TNFAIP3: variants seen among roughly 807,000 people sequenced by gnomAD.
TNFAIP3 encodes TNF alpha induced protein 3.
Under a neutral mutation model 72.4 loss-of-function variants are expected in TNFAIP3, and 9 were observed. That is an observed-to-expected ratio of 0.12 (90% CI 0.07 to 0.22). The LOEUF (loss-of-function observed/expected upper bound fraction) is 0.22. Among genes scored for constraint, TNFAIP3 ranks in the 10% least tolerant of loss-of-function variants. TNFAIP3 has a pLI of 1.00. For synonymous variants in TNFAIP3, 339 were observed against 372.6 expected, an observed-to-expected ratio of 0.91 and a Z score of 1.04; for missense variants, 833 against 1,018.7, an observed-to-expected ratio of 0.82 and a Z score of 2.48.
rs775535780 is a variant in TNFAIP3 at position 137,877,072 on chromosome 6, T to G, written c.806-4T>G. The G allele has an allele frequency of 6.3e-6, 10 of 1,581,696 alleles. No individual in the cohort carries two copies. The African/African-American group carries it at 1.2e-4, about 19-fold the overall frequency. ...TTTTACTTATGTATTATTTTTTTCC[T>G]TAGAAATCCGAGCTGTTCCACTTGT... On this transcript the variant is annotated splice_polypyrimidine_tract_variant and splice_region_variant and intron_variant, in intron 5 of 8. Coordinates refer to ENST00000612899, the MANE Select transcript of TNFAIP3 (RefSeq NM_001270508.2).
At position 137,881,972 on chromosome 6, in the gene TNFAIP3, A is replaced by G. The variant is rs1776479964; in HGVS notation, c.*653A>G. On this transcript the variant is annotated 3_prime_UTR_variant, in exon 9 of 9. Coordinates refer to ENST00000612899, the MANE Select transcript of TNFAIP3 (RefSeq NM_001270508.2). This position sits in a 1 kb window ranked among gnomAD's most constrained non-coding sequence, Gnocchi z 5.0. ...TGAACATGTTCACATTGACAGAAAAACAAGCTGCTCTTTATAATATGCACC... is the reference window on the plus strand; with the variant it reads ...TGAACATGTTCACATTGACAGAAAAGCAAGCTGCTCTTTATAATATGCACC... The G allele has an allele frequency of 4.3e-6, 1 of 231,696 alleles. No individual in the cohort carries two copies. The highest frequency in any genetic ancestry group is 1.8e-4 in the South Asian group (1 of 5,520). 14.4% of individuals were successfully genotyped at this position (231,696 alleles called of 1,614,324 possible). A position where few individuals can be genotyped will look rare whatever the true frequency, so the allele number is the denominator to read the frequency against.
At chr6:137,880,927 CT>C in intron 8 of TNFAIP3, 107 bp from the exon 9 acceptor site, 1 of 1,244,350 alleles carries the variant, frequency 8.0e-7, no homozygotes, top group East Asian at 2.4e-5. Flanking sequence ...GCAGGTAAAG[CT>C]CTTTGTAGAC....
At position 137,879,001 on chromosome 6, in the gene TNFAIP3, G is replaced by T; in HGVS notation, c.1556G>T (p.Gly519Val). Residue 519 changes from glycine (G) to valine (V), a missense_variant, in exon 7 of 9, where the codon GGG becomes GTG. This residue lies in a region of TNFAIP3 where 587 missense variants were observed against 657.8 expected (regional missense o/e 0.89). Coordinates refer to ENST00000612899, the MANE Select transcript of TNFAIP3 (RefSeq NM_001270508.2). The part of the protein sequence containing the change: ...APDHTRHLDP[G>V]KCQACLQDVT... Reference sequence around the variant, plus strand: ...GACCACACAAGGCACTTGGATCCCGGGAAGTGCCAAGCCTGCCTCCAGGAT... The same window carrying T: ...GACCACACAAGGCACTTGGATCCCGTGAAGTGCCAAGCCTGCCTCCAGGAT... 1.9e-6 allele frequency: 3 copies of T among 1,614,206 alleles called. No homozygotes were observed. Among genetic ancestry groups the T allele is most frequent in the Non-Finnish European group, 2.5e-6 (3 of 1,180,036 alleles).
rs1776069192 is a variant in TNFAIP3 at position 137,871,640 on chromosome 6, T to C, written c.295+118T>C. The C allele has an allele frequency of 8.9e-7, 1 of 1,121,268 alleles. No individual in the cohort carries two copies. The allele number at this position is 1,121,268 out of a possible 1,614,324, so 69.5% of individuals were successfully genotyped here. A position where few individuals can be genotyped will look rare whatever the true frequency, so the allele number is the denominator to read the frequency against. ...CTCAAATCAATCTTGAGATTTAGTA[T>C]TGAGACCTTTATATAGAATCTCTAT... On this transcript the variant is annotated intron_variant, in intron 2 of 8. Coordinates refer to ENST00000612899, the MANE Select transcript of TNFAIP3 (RefSeq NM_001270508.2). The surrounding 1 kb of genome is among the most constrained non-coding windows in gnomAD (Gnocchi z 4.2).
Position 137,871,067 on chromosome 6 carries a change from C to A in TNFAIP3, c.-15-146C>A. 1 of 672,344 alleles carries A rather than the reference C, an allele frequency of 1.5e-6. No individual in the cohort carries two copies. Among genetic ancestry groups the A allele is most frequent in the Non-Finnish European group, 2.5e-6 (1 of 407,982 alleles). 41.6% of individuals were successfully genotyped at this position (672,344 alleles called of 1,614,324 possible). ...GTTAATCTCTGGGGCCAGCTAGTAT[C>A]CCGGGAGTAGAGGTGCTAAGATCTT... On this transcript the variant is annotated intron_variant, in intron 1 of 8. Transcript: ENST00000612899. The surrounding 1 kb of genome is among the most constrained non-coding windows in gnomAD (Gnocchi z 4.2).
Position 137,881,414 on chromosome 6 carries a change from C to A in TNFAIP3, c.*95C>A. ...CTGAACCCCTCAGCTGCCACTGCAA[C>A]AGTGGGCTTAAGGGTGTCTGAGCAG... On this transcript the variant is annotated 3_prime_UTR_variant, in exon 9 of 9. Transcript: ENST00000612899. The surrounding 1 kb of genome is among the most constrained non-coding windows in gnomAD (Gnocchi z 5.0). 8.6e-7 allele frequency: 1 copy of A among 1,162,966 alleles called. No homozygotes were observed. The allele number at this position is 1,162,966 out of a possible 1,614,324, so 72.0% of individuals were successfully genotyped here.
rs1776064930 is a variant in TNFAIP3, at chr6:137,871,554, TG to T, written c.295+35del. 1.2e-6 allele frequency: 2 copies of T among 1,603,184 alleles called. No homozygotes were observed. Among genetic ancestry groups the T allele is most frequent in the African/African-American group, 2.7e-5 (2 of 74,530 alleles). On this transcript the variant is annotated intron_variant, in intron 2 of 8. Coordinates refer to ENST00000612899, the MANE Select transcript of TNFAIP3 (RefSeq NM_001270508.2). The surrounding 1 kb of genome is among the most constrained non-coding windows in gnomAD (Gnocchi z 4.2). ...CTTGTTCTGTTGTGTTTCTTTTGCCTGGGTGATAGCTCCCGCCTGCTGGATC... is the reference window on the plus strand; with the variant it reads ...CTTGTTCTGTTGTGTTTCTTTTGCCTGGTGATAGCTCCCGCCTGCTGGATC...
chr6:137,869,337 A>ATG (rs1775960895), intron 1 of TNFAIP3, among the ~76,000 whole-genome samples: 2 of 145,032 alleles, frequency 1.4e-5, no homozygotes, highest in African/African-American at 5.1e-5. Context: ...ATGGATGGAT[A>ATG]GATGGATGGA....
intron 1 of TNFAIP3, among the ~76,000 whole-genome samples, chr6:137,868,426 A>C (rs1024806983): frequency 2.0e-5 from 3 of 152,052 alleles, no homozygotes; most frequent in African/African-American, 7.2e-5. Flanking sequence ...CAGCCAATGA[A>C]TGCTTCATTC....
rs765166589 is a variant in TNFAIP3 at position 137,871,517 on chromosome 6, C to T, written c.290C>T (p.Thr97Met). Residue 97 changes from threonine to methionine, a missense_variant, in exon 2 of 9, where the codon ACG becomes ATG. By Grantham distance (81) the Thr-to-Met change is moderately conservative (BLOSUM62 -1). This residue lies in a region of TNFAIP3 where 246 missense variants were observed against 360.9 expected (regional missense o/e 0.68). Transcript: ENST00000612899. This position sits in a 1 kb window ranked among gnomAD's most constrained non-coding sequence, Gnocchi z 4.2. ...GTCCGGAAGCTTGTGGCGCTGAAAACGAACGGTAAGACTTGTTCTGTTGTG... is the reference window on the plus strand; with the variant it reads ...GTCCGGAAGCTTGTGGCGCTGAAAATGAACGGTAAGACTTGTTCTGTTGTG... ...REVRKLVALK[T>M]NGDGNCLMHA... 2 of 1,613,938 alleles carry T rather than the reference C, an allele frequency of 1.2e-6. No homozygotes were observed. Among genetic ancestry groups the T allele is most frequent in the South Asian group, 1.1e-5 (1 of 91,072 alleles).
In TNFAIP3 at chr6:137,881,215, C is replaced by T. The variant is rs771436999; in HGVS notation, c.2269C>T (p.Pro757Ser). 6.2e-7 allele frequency: 1 copy of T among 1,611,830 alleles called. No individual in the cohort carries two copies. Among genetic ancestry groups the T allele is most frequent in the Non-Finnish European group, 8.5e-7 (1 of 1,179,160 alleles). Residue 757 changes from proline (P) to serine (S), a missense_variant, in exon 9 of 9, where the codon CCC becomes TCC. Pro to Ser is a moderately conservative substitution (Grantham distance 74). This residue lies in a region of TNFAIP3 where 587 missense variants were observed against 657.8 expected (regional missense o/e 0.89). Coordinates refer to ENST00000612899, the MANE Select transcript of TNFAIP3 (RefSeq NM_001270508.2). The surrounding 1 kb of genome is among the most constrained non-coding windows in gnomAD (Gnocchi z 5.0). ...CCGGGGTGAGCCTGCCCCCGAAGAC[C>T]CCCCCAAGCAGCGTTGCCGGGCCCC... ...AHRGEPAPED[P>S]PKQRCRAPAC... is the part of the protein sequence containing the mutation.
At position 137,882,994 on chromosome 6, in the gene TNFAIP3, C is replaced by T; in HGVS notation, c.*1675C>T. The T allele has an allele frequency of 4.5e-6, 1 of 223,112 alleles. No individual in the cohort carries two copies. 13.8% of individuals were successfully genotyped at this position (223,112 alleles called of 1,614,324 possible). A position where few individuals can be genotyped will look rare whatever the true frequency, so the allele number is the denominator to read the frequency against. On this transcript the variant is annotated 3_prime_UTR_variant, in exon 9 of 9. Transcript: ENST00000612899. Reference sequence around the variant, plus strand: ...CACAGCCTTTACTCATACTATTAGGCACACTTTCCCCTTAGAGCCCCCTAA... The same window carrying T: ...CACAGCCTTTACTCATACTATTAGGTACACTTTCCCCTTAGAGCCCCCTAA...
At chr6:137,880,295 A>G in intron 8 of TNFAIP3, 43 bp downstream of exon 8, 1 of 1,608,112 alleles carries the variant, frequency 6.2e-7, no homozygotes, top group South Asian at 1.1e-5. Context: ...CGTGTGTTCG[A>G]TGCTTTTTGC....
At chr6:137,873,446 C>G (rs746129237) in intron 2 of TNFAIP3, among the ~76,000 whole-genome samples, 101 of 152,298 alleles carry the variant, frequency 6.6e-4, no homozygotes, top group Middle Eastern at 3.4e-3. Context: ...CCAGCTCACC[C>G]TGACCACACC....
At chr6:137,866,900 T>TATTTC (rs1329883189), upstream of TNFAIP3, 2 of 152,438 alleles carry the variant, frequency 1.3e-5, no homozygotes, top group East Asian at 3.8e-4. Context: ...AAAAAGAACC[T>TATTTC]ATTTCATTTC....
At chr6:137,875,965 G>T (rs768949689) in intron 4 of TNFAIP3, 31 bp from the exon 5 acceptor site, 7 of 1,605,630 alleles carry the variant, frequency 4.4e-6, no homozygotes, top group Non-Finnish European at 6.0e-6. Flanking sequence ...TCACCTAAGG[G>T]CCTCATTTTC....
At chr6:137,869,905 A>G (rs900388927) in intron 1 of TNFAIP3, among the ~76,000 whole-genome samples, 2 of 152,250 alleles carry the variant, frequency 1.3e-5, no homozygotes, top group African/African-American at 4.8e-5. Flanking sequence ...AAGTGTGGCC[A>G]GACACCCTAC....
chr6:137,874,763 C>A, intron 2 of TNFAIP3, 82 bp from the exon 3 acceptor site: 1 of 1,386,758 alleles, frequency 7.2e-7, no homozygotes, highest in Non-Finnish European at 9.9e-7. Flanking sequence ...AGCAGTAGGG[C>A]TGGTTTATTC....
chr6:137,879,380 A>T, intron 7 of TNFAIP3, 29 bp downstream of exon 7: 1 of 1,592,690 alleles, frequency 6.3e-7, no homozygotes, highest in Non-Finnish European at 8.6e-7. Context: ...TTCCTAACAC[A>T]GCGGCTGCTG....
Sources: gnomAD v4.1 joint callset for allele counts (sites outside exome capture counted in the v4.1 genomes callset) on GRCh38, gnomAD v4.1.1 for gene constraint, gnomAD v4.1.1 regional missense constraint, Gnocchi (gnomAD v3.1) non-coding constraint, MANE v1.5 for transcripts, NCBI Gene and HGNC (gene_info 2026-07-23, HGNC 2026-07-21) for gene names.